The following GPR158 variants were observed in gnomAD, a reference collection of about 807,000 sequenced individuals.
GPR158 encodes G protein-coupled receptor 158.
GPR158 carries 30 observed loss-of-function variants against 78.2 expected under a neutral mutation model. The observed-to-expected ratio is 0.38, with a 90% confidence interval of 0.29 to 0.52. GPR158 has a LOEUF of 0.52. GPR158 is among the 20% of genes least tolerant of loss of function. The pLI is 0.83. For missense variants in GPR158, 1,463 were observed against 1,523.5 expected (o/e 0.96, Z 0.66); for synonymous variants, 581 against 591.1 (o/e 0.98, Z 0.25).
At chr10:25,324,823 T>TTTTCTTTCTTTCTTTC (rs1268961432) in intron 2 of GPR158, among the ~76,000 whole-genome samples, 8 of 137,440 alleles carry the variant, frequency 5.8e-5, no homozygotes, top group African/African-American at 2.3e-4. Flanking sequence ...GTATTTTCTT[T>TTTTCTTTCTTTCTTTC]TTTCTTTCTT....
intron 2 of GPR158, among the ~76,000 whole-genome samples, chr10:25,222,790 G>T (rs1341747834): frequency 1.3e-5 from 2 of 152,160 alleles, no homozygotes; most frequent in African/African-American, 4.8e-5. Context: ...ATCTGTGTGT[G>T]TTCATTTCTA....
chr10:25,557,271 G>A (rs1029524531), intron 6 of GPR158, among the ~76,000 whole-genome samples: 1 of 152,108 alleles, frequency 6.6e-6, no homozygotes, highest in Non-Finnish European at 1.5e-5. Context: ...ACAGAAGGGA[G>A]GCCCTTGAAA....
chr10:25,375,151 A>G (rs923273604), intron 2 of GPR158, among the ~76,000 whole-genome samples: 6 of 151,710 alleles, frequency 4.0e-5, no homozygotes, highest in African/African-American at 1.2e-4. Flanking sequence ...GATGATGAAC[A>G]TCTTTTCATG....
At chr10:25,252,621 T>C (rs1273497225) in intron 2 of GPR158, among the ~76,000 whole-genome samples, 5 of 152,078 alleles carry the variant, frequency 3.3e-5, no homozygotes, top group African/African-American at 1.2e-4. Flanking sequence ...CCAGTTAGGC[T>C]GCTCAGGGGT....
At chr10:25,433,548 TG>T (rs1438775057) in intron 4 of GPR158, among the ~76,000 whole-genome samples, 1 of 54,968 alleles carries the variant, frequency 1.8e-5, no homozygotes, top group African/African-American at 7.1e-5. Context: ...GTGTGTGTGT[TG>T]TGTGTGTGTG....
At chr10:25,587,721 A>ACCTT (rs768071176) in intron 7 of GPR158, among the ~76,000 whole-genome samples, 12 of 152,168 alleles carry the variant, frequency 7.9e-5, no homozygotes, top group Non-Finnish European at 1.5e-4. Context: ...GAGTGACATT[A>ACCTT]ATTTTTTTGT....
intron 7 of GPR158, among the ~76,000 whole-genome samples, chr10:25,588,619 TTTG>T (rs200426944): frequency 3.3e-5 from 5 of 152,206 alleles, no homozygotes; most frequent in Admixed American, 1.3e-4. Context: ...GTTCTAAACT[TTTG>T]TTGTTGTTGT....
At chr10:25,420,120 T>C (rs996247775) in intron 4 of GPR158, among the ~76,000 whole-genome samples, 5 of 152,154 alleles carry the variant, frequency 3.3e-5, no homozygotes, top group African/African-American at 1.2e-4. Flanking sequence ...TCTTTTTACT[T>C]TCTTAATAGG....
At chr10:25,475,209 G>C (rs1241137948) in intron 5 of GPR158, among the ~76,000 whole-genome samples, 1 of 151,980 alleles carries the variant, frequency 6.6e-6, no homozygotes, top group African/African-American at 2.4e-5. Flanking sequence ...ACAGAGAACT[G>C]ACGCATTAAA....
rs570071512 is a variant in GPR158, at chr10:25,364,521, A to G, written c.1009-31390A>G. 3.9e-5 allele frequency among the ~76,000 whole-genome samples: 6 copies of G among 151,978 alleles called. No individual in the cohort carries two copies. The East Asian group carries it at 7.8e-4, about 20-fold the overall frequency. On this transcript the variant is annotated intron_variant, in intron 2 of 10. Transcript: ENST00000376351. ...AACAGACGATCTCACAAAGGAAATG[A>G]GGGTACTTAAACATTTTTGACTCTT...
chr10:25,573,247 G>A (rs1485922910), intron 7 of GPR158, among the ~76,000 whole-genome samples: 3 of 152,102 alleles, frequency 2.0e-5, no homozygotes, highest in South Asian at 4.1e-4. Context: ...TTACTTGGGA[G>A]AAAAAAGGAA....
rs940859148 is a variant in GPR158, at chr10:25,252,210, T to G, written c.1008+31053T>G. 9.1e-3 allele frequency among the ~76,000 whole-genome samples: 1,374 copies of G among 150,782 alleles called. 15 individuals are homozygous for G. Among genetic ancestry groups the G allele is most frequent in the South Asian group, 0.036 (170 of 4,772 alleles). Reference sequence around the variant, plus strand: ...CTGTATTGGTTATTCTAGTTATACATTCTTCTAAATTTTTTTCAAAGTTTT... The same window carrying G: ...CTGTATTGGTTATTCTAGTTATACAGTCTTCTAAATTTTTTTCAAAGTTTT... On this transcript the variant is annotated intron_variant, in intron 2 of 10. Coordinates refer to ENST00000376351, the MANE Select transcript of GPR158 (RefSeq NM_020752.3).
intron 4 of GPR158, among the ~76,000 whole-genome samples, chr10:25,429,513 A>G (rs185134985): frequency 2.0e-5 from 3 of 152,184 alleles, no homozygotes; most frequent in Non-Finnish European, 4.4e-5. Flanking sequence ...TTTGTAGATT[A>G]CCTTTCCTTA....
chr10:25,557,955 A>G (rs1836806749), intron 6 of GPR158, among the ~76,000 whole-genome samples: 1 of 152,238 alleles, frequency 6.6e-6, no homozygotes, highest in African/African-American at 2.4e-5. Flanking sequence ...CCATCTGCAG[A>G]TGTCCTACTT....
chr10:25,283,800 T>C (rs1222347644), intron 2 of GPR158, among the ~76,000 whole-genome samples: 2 of 152,062 alleles, frequency 1.3e-5, no homozygotes, highest in Admixed American at 1.3e-4. Context: ...TTTTGATATA[T>C]TGTATTTTTA....
At chr10:25,311,652 T>G (rs1854766796) in intron 2 of GPR158, among the ~76,000 whole-genome samples, 1 of 152,004 alleles carries the variant, frequency 6.6e-6, no homozygotes, top group African/African-American at 2.4e-5. Context: ...TTTCTCATAC[T>G]TTTTGGTCTC....
intron 5 of GPR158, among the ~76,000 whole-genome samples, chr10:25,487,534 G>A (rs1317130351): frequency 6.6e-6 from 1 of 152,150 alleles, no homozygotes; most frequent in African/African-American, 2.4e-5. Flanking sequence ...ACAGTATAGA[G>A]GTTAAGGATG....
chr10:25,437,242 T>G (rs950678135), intron 4 of GPR158, among the ~76,000 whole-genome samples: 15 of 152,336 alleles, frequency 9.8e-5, no homozygotes, highest in Admixed American at 6.5e-4. Context: ...TTTTTCTTTT[T>G]TGAGGCAGGG....
intron 5 of GPR158, among the ~76,000 whole-genome samples, chr10:25,521,795 G>T (rs1836279244): frequency 1.3e-5 from 2 of 152,130 alleles, no homozygotes; most frequent in South Asian, 4.1e-4. Flanking sequence ...CTGTTATCTT[G>T]CTGATGGTAT....
Sources: gnomAD v4.1 joint callset for allele counts (sites outside exome capture counted in the v4.1 genomes callset) on GRCh38, gnomAD v4.1.1 for gene constraint, MANE v1.5 for transcripts, NCBI Gene and HGNC (gene_info 2026-07-23, HGNC 2026-07-21) for gene names.